Variants in SHISA9 observed in about 807,000 individuals in gnomAD.
SHISA9 encodes the protein protein shisa-9.
Under a neutral mutation model 38.0 loss-of-function variants are expected in SHISA9, and 13 were observed. That is an observed-to-expected ratio of 0.34 (90% CI 0.22 to 0.54). The LOEUF is 0.54. Among genes scored for constraint, SHISA9 ranks in the 20% least tolerant of loss-of-function variants. The pLI is 0.91. For missense variants in SHISA9, 538 were observed against 575.8 expected, an observed-to-expected ratio of 0.93 and a Z score of 0.67; for synonymous variants, 275 against 242.0, an observed-to-expected ratio of 1.14 and a Z score of -1.27.
At chr16:13,211,297 C>A (rs1205737181) in intron 3 of SHISA9, among the ~76,000 whole-genome samples, 1 of 150,272 alleles carries the variant, frequency 6.7e-6, no homozygotes, top group African/African-American at 2.5e-5. Context: ...CAAAGCAAGA[C>A]TCTGTCTCAA....
At chr16:12,942,626 G>T (rs1045822479) in intron 2 of SHISA9, among the ~76,000 whole-genome samples, 2 of 152,234 alleles carry the variant, frequency 1.3e-5, no homozygotes, top group African/African-American at 4.8e-5. Context: ...AAAAAGCTTT[G>T]CTGGTCCTAA....
chr16:13,147,120 T>C lies in SHISA9; in HGVS notation c.692-56274T>C, dbSNP rs75858804. On this transcript the variant is annotated intron_variant, in intron 2 of 4. Transcript: ENST00000558583. The stretch of plus-strand genomic sequence containing the variant: ...ACAAAAGACAGCAAGATGCATATTG[T>C]TTTTGGCTGAGATAGCATTGCCTTT... 3.8e-4 allele frequency among the ~76,000 whole-genome samples: 58 copies of C among 152,340 alleles called. No individual in the cohort carries two copies. The East Asian group carries it at 0.011, about 28-fold the overall frequency.
the SHISA9 span, among the ~76,000 whole-genome samples, chr16:13,519,597 G>T: frequency 6.6e-6 from 1 of 152,156 alleles, no homozygotes; most frequent in South Asian, 2.1e-4. Context: ...TTCTCACACT[G>T]CTATGAAGAA....
the SHISA9 span, among the ~76,000 whole-genome samples, chr16:13,453,727 C>T: frequency 6.6e-6 from 1 of 152,156 alleles, no homozygotes; most frequent in African/African-American, 2.4e-5. Context: ...TTTTAAACTA[C>T]TTTGTTTTAT....
At chr16:13,342,296 C>T in the SHISA9 span, among the ~76,000 whole-genome samples, 1 of 151,966 alleles carries the variant, frequency 6.6e-6, no homozygotes, top group Non-Finnish European at 1.5e-5. Flanking sequence ...ATCACAGATG[C>T]CAGCTTCCTA....
At chr16:13,347,728 C>A in the SHISA9 span, among the ~76,000 whole-genome samples, 1 of 152,130 alleles carries the variant, frequency 6.6e-6, no homozygotes, top group Non-Finnish European at 1.5e-5. Context: ...TCTGGCCTGT[C>A]TTCATTCTCC....
chr16:12,949,189 G>A (rs776435547), intron 2 of SHISA9, among the ~76,000 whole-genome samples: 11 of 152,150 alleles, frequency 7.2e-5, no homozygotes, highest in Non-Finnish European at 1.0e-4. Flanking sequence ...ATGTATTATG[G>A]GAGTACTAGC....
At chr16:13,032,815 G>C (rs1158952453) in intron 2 of SHISA9, among the ~76,000 whole-genome samples, 2 of 152,202 alleles carry the variant, frequency 1.3e-5, no homozygotes, top group Non-Finnish European at 2.9e-5. Flanking sequence ...TCACAGACAG[G>C]AGTGCAACTG....
the SHISA9 span, among the ~76,000 whole-genome samples, chr16:13,451,865 T>C: frequency 2.2e-4 from 34 of 152,344 alleles, no homozygotes; most frequent in African/African-American, 7.9e-4. Flanking sequence ...CTTTGAGCCA[T>C]GCATGGAAGT....
chr16:13,208,938 G>A (rs1056013136), intron 3 of SHISA9, among the ~76,000 whole-genome samples: 1 of 152,108 alleles, frequency 6.6e-6, no homozygotes, highest in Non-Finnish European at 1.5e-5. Context: ...GCCTGAGAGG[G>A]GCCTTAGAGA....
chr16:13,267,790 C>T, the SHISA9 span, among the ~76,000 whole-genome samples: 17 of 151,832 alleles, frequency 1.1e-4, no homozygotes, highest in African/African-American at 3.6e-4. Flanking sequence ...TAAAATTGAA[C>T]TAATAGGATC....
At chr16:13,171,104 A>G (rs539326169) in intron 2 of SHISA9, among the ~76,000 whole-genome samples, 1 of 152,286 alleles carries the variant, frequency 6.6e-6, no homozygotes, top group South Asian at 2.1e-4. Context: ...CCAAAATTGA[A>G]GGGGAAGCAG....
At chr16:13,037,332 G>C (rs1231907385) in intron 2 of SHISA9, among the ~76,000 whole-genome samples, 1 of 151,804 alleles carries the variant, frequency 6.6e-6, no homozygotes, top group South Asian at 2.1e-4. Flanking sequence ...TATTTTTTAC[G>C]TACAAAATTA....
the SHISA9 span, among the ~76,000 whole-genome samples, chr16:13,419,821 G>T: frequency 1.3e-5 from 2 of 152,230 alleles, no homozygotes; most frequent in Admixed American, 1.3e-4. Flanking sequence ...TACAAAGCCA[G>T]GTGGCAGGCT....
At chr16:12,909,285 A>G (rs2071148060) in intron 1 of SHISA9, 1 of 985,284 alleles carries the variant, frequency 1.0e-6, no homozygotes. Flanking sequence ...AGCTTGGACA[A>G]ATGTCTATAC....
At chr16:13,378,614 A>G in the SHISA9 span, among the ~76,000 whole-genome samples, 2 of 152,192 alleles carry the variant, frequency 1.3e-5, no homozygotes, top group African/African-American at 4.8e-5. Context: ...CACCTGTCAT[A>G]ATATATGAGG....
chr16:13,147,629 A>T (rs188707855), intron 2 of SHISA9, among the ~76,000 whole-genome samples: 3,117 of 151,876 alleles, frequency 0.021, 97 homozygotes, highest in African/African-American at 0.07. Flanking sequence ...CGCCTGGCTA[A>T]TTTTTGTATT....
chr16:13,019,884 C>CTTTCTTTCT (rs1227139524), intron 2 of SHISA9, among the ~76,000 whole-genome samples: 8 of 20,918 alleles, frequency 3.8e-4, no homozygotes, highest in Non-Finnish European at 5.6e-4. Context: ...CCCTCCCTCC[C>CTTTCTTTCT]TTCTTTCTTT....
At chr16:13,149,434 G>C (rs959253901) in intron 2 of SHISA9, among the ~76,000 whole-genome samples, 2 of 152,168 alleles carry the variant, frequency 1.3e-5, no homozygotes, top group African/African-American at 4.8e-5. Context: ...AGCAGAGATT[G>C]AGAAGAACCA....
Sources: allele counts gnomAD v4.1 joint callset (sites outside exome capture counted in the v4.1 genomes callset), GRCh38; gene constraint gnomAD v4.1.1; transcripts MANE v1.5; gene names NCBI Gene and HGNC (gene_info 2026-07-23, HGNC 2026-07-21).